ZNF107: variants seen among roughly 807,000 people sequenced by gnomAD.
The protein encoded by ZNF107 is zinc finger protein 107.
In ZNF107, 19 loss-of-function variants were observed where a neutral mutation model predicts 12.3. The observed-to-expected ratio is 1.55, with a 90% confidence interval of 1.08 to 2.27. The LOEUF (loss-of-function observed/expected upper bound fraction) is 2.27. Among genes scored for constraint, ZNF107 ranks in the 30% most tolerant of loss-of-function variants. ZNF107 has a pLI of 0.00. For synonymous variants in ZNF107, 317 were observed against 330.5 expected (o/e 0.96, Z 0.44); for missense variants, 958 against 979.9 (o/e 0.98, Z 0.30).
chr7:64,709,690 A>G lies in ZNF107; in HGVS notation c.*1034A>G, dbSNP rs1019551289. On this transcript the variant is annotated 3_prime_UTR_variant, in exon 4 of 4. Coordinates refer to ENST00000620827, the MANE Select transcript of ZNF107 (RefSeq NM_001282359.2). ...ACAGGAAAGCATTTATACTTCAGAA[A>G]GATTGTACAAATACAAGGAATGTGG... The G allele has an allele frequency of 6.6e-6, 3 of 455,258 alleles. No homozygotes were observed. The Admixed American group carries it at 7.1e-5, about 11-fold the overall frequency. 28.2% of individuals were successfully genotyped at this position (455,258 alleles called of 1,614,324 possible). A position where few individuals can be genotyped will look rare whatever the true frequency, so the allele number is the denominator to read the frequency against.
rs529604812 is a variant in ZNF107 at position 64,709,450 on chromosome 7, C to A, written c.*794C>A. ...ACTAAACATAAGATAATACTGAAAA[C>A]TTTACAAACCTGAATGATGTGACAA... On this transcript the variant is annotated 3_prime_UTR_variant, in exon 4 of 4. Transcript: ENST00000620827. 25 of 342,498 alleles carry A rather than the reference C, an allele frequency of 7.3e-5. No individual in the cohort carries two copies. The highest frequency in any genetic ancestry group is 5.0e-4 in the South Asian group (22 of 43,656). The allele number at this position is 342,498 out of a possible 1,614,324, so 21.2% of individuals were successfully genotyped here.
intron 3 of ZNF107, among the ~76,000 whole-genome samples, chr7:64,698,686 G>A (rs1187014079): frequency 6.6e-6 from 1 of 152,142 alleles, no homozygotes; most frequent in African/African-American, 2.4e-5. Context: ...CTCCCAAAGT[G>A]CTGGAATTAC....
At position 64,708,667 on chromosome 7, in the gene ZNF107, A is replaced by T. The variant is rs1184101368; in HGVS notation, c.*11A>T. ...TATGGCAAAACTTAATTGATCCTAC[A>T]AGCTTACTACACATAGGAAAATTCA... is the stretch of plus-strand genomic sequence containing the variant. On this transcript the variant is annotated 3_prime_UTR_variant, in exon 4 of 4. Coordinates refer to ENST00000620827, the MANE Select transcript of ZNF107 (RefSeq NM_001282359.2). 6.3e-7 allele frequency: 1 copy of T among 1,587,844 alleles called. No homozygotes were observed. Among genetic ancestry groups the T allele is most frequent in the Non-Finnish European group, 8.6e-7 (1 of 1,165,766 alleles).
chr7:64,708,528 C>G lies in ZNF107; in HGVS notation c.2431C>G (p.His811Asp), dbSNP rs778681133. Residue 811 changes from histidine to aspartate, a missense_variant, in exon 4 of 4, where the codon CAT becomes GAT. Physicochemically the swap from His to Asp is moderately conservative, Grantham distance 81. Transcript: ENST00000620827. ...FSSLNIHKIIHTGEKPYKCGD... is the reference protein window; with the variant it reads ...FSSLNIHKIIDTGEKPYKCGD... Reference sequence around the variant, plus strand: ...ATCTCTTAATATACATAAGATAATTCATACTGGAGAGAAACCCTACAAATG... The same window carrying G: ...ATCTCTTAATATACATAAGATAATTGATACTGGAGAGAAACCCTACAAATG... 2.5e-6 allele frequency: 4 copies of G among 1,612,690 alleles called. No individual in the cohort carries two copies. In the African/African-American group the frequency reaches 5.3e-5, roughly 22 times the overall value.
rs191032608 is a variant in ZNF107, at chr7:64,688,142, A to G, written c.4-3106A>G. Among the ~76,000 whole-genome samples the G allele has an allele frequency of 2.6e-5, 4 of 152,162 alleles. No homozygotes were observed. The East Asian group carries it at 7.7e-4, about 29-fold the overall frequency. The stretch of plus-strand genomic sequence containing the variant: ...GCAGTTAACCATTTTACCTCTTTCA[A>G]TGACTCTTGTATCTTTAGACCAGAA... On this transcript the variant is annotated intron_variant, in intron 1 of 3. Coordinates refer to ENST00000620827, the MANE Select transcript of ZNF107 (RefSeq NM_001282359.2).
intron 1 of ZNF107, among the ~76,000 whole-genome samples, chr7:64,679,963 C>T (rs768363041): frequency 3.9e-5 from 6 of 152,114 alleles, no homozygotes; most frequent in African/African-American, 7.2e-5. Flanking sequence ...CACCCTCTGG[C>T]GACAGCGAGT....
At chr7:64,683,992 T>C (rs1789796377) in intron 1 of ZNF107, among the ~76,000 whole-genome samples, 1 of 152,184 alleles carries the variant, frequency 6.6e-6, no homozygotes, top group African/African-American at 2.4e-5. Context: ...AATCTGACAG[T>C]GGTCCAGCCT....
At chr7:64,701,387 GA>G (rs1790471800) in intron 3 of ZNF107, among the ~76,000 whole-genome samples, 1 of 150,822 alleles carries the variant, frequency 6.6e-6, no homozygotes, top group South Asian at 2.1e-4. Context: ...TTAGCCTCCT[GA>G]GTAGCTGGGA....
Position 64,697,447 on chromosome 7 carries a change from G to T in ZNF107, c.226+5487G>T, listed in dbSNP as rs561544160. Among the ~76,000 whole-genome samples, 28 of 152,176 alleles carry T rather than the reference G, an allele frequency of 1.8e-4. No homozygotes were observed. The East Asian group carries it at 5.2e-3, about 28-fold the overall frequency. ...ACAGTCCCACCAACAGTGTAAAAGC[G>T]TTCTTATTTCTCCACATCCTCTCCA... On this transcript the variant is annotated intron_variant, in intron 3 of 3. Transcript: ENST00000620827.
intron 1 of ZNF107, among the ~76,000 whole-genome samples, chr7:64,674,119 TA>T (rs1789333722): frequency 7.3e-6 from 1 of 136,716 alleles, no homozygotes; most frequent in Non-Finnish European, 1.7e-5. Context: ...AATTTTAAAA[TA>T]GGTGTTTTTT....
rs376330114 is a variant in ZNF107 at position 64,708,629 on chromosome 7, C to T, written c.2532C>T (p.Pro844=). 76 of 1,589,256 alleles carry T rather than the reference C, an allele frequency of 4.8e-5. No individual in the cohort carries two copies. The African/African-American group carries it at 1.0e-3, about 22-fold the overall frequency. Residue 844 remains proline, a synonymous_variant, in exon 4 of 4, where the codon CCC becomes CCT. Transcript: ENST00000620827. Reference sequence around the variant, plus strand: ...AGAAAATTCATACTGGAGAGAAACCCTACAAATGTGAGTATGGCAAAACTT... The same window carrying T: ...AGAAAATTCATACTGGAGAGAAACCTTACAAATGTGAGTATGGCAAAACTT... ...THKKIHTGEK[P]YKCEYGKT
rs115921516 is a variant in ZNF107 at position 64,681,618 on chromosome 7, T to C, written c.4-9630T>C. 7.2e-3 allele frequency among the ~76,000 whole-genome samples: 1,088 copies of C among 151,978 alleles called. 15 individuals are homozygous for C. Among genetic ancestry groups the C allele is most frequent in the African/African-American group, 0.025 (1,037 of 41,410 alleles). On this transcript the variant is annotated intron_variant, in intron 1 of 3. Coordinates refer to ENST00000620827, the MANE Select transcript of ZNF107 (RefSeq NM_001282359.2). ...GCTACAGATCACTCCCCCCTTATCATCCCTTTAAGGCCAAACCATCCTTAC... is the reference window on the plus strand; with the variant it reads ...GCTACAGATCACTCCCCCCTTATCACCCCTTTAAGGCCAAACCATCCTTAC...
intron 1 of ZNF107, chr7:64,686,996 G>C: frequency 1.0e-6 from 1 of 985,424 alleles, no homozygotes; most frequent in Non-Finnish European, 1.2e-6. Flanking sequence ...TCATACTGAG[G>C]GTAGCTGTGC....
chr7:64,698,531 C>T (rs146854061), intron 3 of ZNF107, among the ~76,000 whole-genome samples: 1 of 152,130 alleles, frequency 6.6e-6, no homozygotes, highest in East Asian at 1.9e-4. Flanking sequence ...CAAGCATTCT[C>T]CTGCCTCAGC....
chr7:64,679,410 A>C (rs1789561185), intron 1 of ZNF107: 1 of 949,358 alleles, frequency 1.1e-6, no homozygotes, highest in South Asian at 4.9e-5. Flanking sequence ...TGTGTTTCCT[A>C]AATCTAACAT....
In ZNF107 at chr7:64,706,885, G is replaced by T. The variant is rs747310705; in HGVS notation, c.788G>T (p.Gly263Val). The T allele has an allele frequency of 6.2e-7, 1 of 1,613,020 alleles. No individual in the cohort carries two copies. The highest frequency in any genetic ancestry group is 8.5e-7 in the Non-Finnish European group (1 of 1,179,660). ...EEKPNKCEEC[G>V]KAFKQASHLT... is the part of the protein sequence containing the mutation. ...AAACCCAACAAATGTGAAGAATGTG[G>T]CAAGGCCTTTAAACAGGCCTCACAC... Residue 263 changes from glycine to valine, a missense_variant, in exon 4 of 4, where the codon GGC becomes GTC. Transcript: ENST00000620827.
In ZNF107 at chr7:64,708,392, A is replaced by T. The variant is rs1231403401; in HGVS notation, c.2295A>T (p.Glu765Asp). 1.2e-5 allele frequency: 19 copies of T among 1,604,140 alleles called. No homozygotes were observed. The highest frequency in any genetic ancestry group is 1.4e-5 in the Non-Finnish European group (16 of 1,172,934). ...GAGAGAAACCCTATAAATGTGAAGA[A>T]TGTGGCAAAGCTTTTAACCAATCCT... ...HTGEKPYKCE[E>D]CGKAFNQSSN... Residue 765 changes from glutamate to aspartate, a missense_variant, in exon 4 of 4, where the codon GAA (glutamate) becomes GAT (aspartate). Glu to Asp is a conservative substitution (Grantham distance 45). Transcript: ENST00000620827.
In ZNF107 at chr7:64,687,147, T is replaced by C. The variant is rs1463207685; in HGVS notation, c.4-4101T>C. The C allele has an allele frequency of 1.6e-5, 16 of 985,848 alleles. No individual in the cohort carries two copies. The Admixed American group carries it at 9.8e-4, about 61-fold the overall frequency. The allele number at this position is 985,848 out of a possible 1,614,324, so 61.1% of individuals were successfully genotyped here. On this transcript the variant is annotated intron_variant, in intron 1 of 3. Coordinates refer to ENST00000620827, the MANE Select transcript of ZNF107 (RefSeq NM_001282359.2). ...ATATAATCATTTTCAGAGTGAGCTG[T>C]TTTTCTCTTGAATGCATTGGGTGTC...
intron 1 of ZNF107, among the ~76,000 whole-genome samples, chr7:64,674,655 G>C (rs1789355184): frequency 6.6e-6 from 1 of 152,190 alleles, no homozygotes; most frequent in South Asian, 2.1e-4. Flanking sequence ...GGAGTGGTGA[G>C]AGAAAGCATC....
Sources: gnomAD v4.1 joint callset for allele counts (sites outside exome capture counted in the v4.1 genomes callset) on GRCh38, gnomAD v4.1.1 for gene constraint, MANE v1.5 for transcripts, NCBI Gene and HGNC (gene_info 2026-07-23, HGNC 2026-07-21) for gene names.